The following SDK1 variants were observed in gnomAD, a reference collection of about 807,000 sequenced individuals.
The protein encoded by SDK1 is protein sidekick-1.
A neutral mutation model predicts 245.5 loss-of-function variants in SDK1; 157 were observed. The observed-to-expected ratio is 0.64, with a 90% CI of 0.56 to 0.73. The LOEUF is 0.73. Ranked by LOEUF, SDK1 falls within the 30% of genes least tolerant of loss-of-function variation. The pLI is 0.00. For synonymous variants in SDK1, 1,647 were observed against 1,278.5 expected (o/e 1.29, Z -6.15); for missense variants, 3,583 against 3,002.3 (o/e 1.19, Z -4.52).
chr7:4,030,870 T>C (rs1245565770), intron 17 of SDK1, among the ~76,000 whole-genome samples: 5 of 152,218 alleles, frequency 3.3e-5, no homozygotes, highest in East Asian at 1.9e-4. Context: ...ACCTGCACTG[T>C]AGCACTATTA....
intron 4 of SDK1, among the ~76,000 whole-genome samples, chr7:3,659,040 A>G (rs1783275971): frequency 6.6e-6 from 1 of 152,166 alleles, no homozygotes; most frequent in Admixed American, 6.5e-5. Flanking sequence ...TCTCGTCTAT[A>G]TGAATTTGCC....
intron 19 of SDK1, among the ~76,000 whole-genome samples, chr7:4,066,685 C>A (rs1471916033): frequency 6.6e-6 from 1 of 152,198 alleles, no homozygotes; most frequent in Admixed American, 6.5e-5. Flanking sequence ...ACCGATGGGA[C>A]CTGCTATGGG....
intron 4 of SDK1, among the ~76,000 whole-genome samples, chr7:3,731,903 T>C (rs111442884): frequency 0.058 from 8,900 of 152,224 alleles, 887 homozygotes; most frequent in African/African-American, 0.2. Context: ...GCGATTATCC[T>C]GCCTCAGCCT....
At chr7:3,712,263 C>T (rs1234576064) in intron 4 of SDK1, among the ~76,000 whole-genome samples, 1 of 152,128 alleles carries the variant, frequency 6.6e-6, no homozygotes, top group Non-Finnish European at 1.5e-5. Flanking sequence ...TCTCATAGGA[C>T]CGTGAACCTT....
intron 4 of SDK1, among the ~76,000 whole-genome samples, chr7:3,802,870 G>T (rs1221260252): frequency 3.3e-5 from 5 of 152,172 alleles, no homozygotes; most frequent in African/African-American, 1.2e-4. Flanking sequence ...AACATTTGTT[G>T]TTGTTTTTGT....
At chr7:3,788,874 T>C (rs974837036) in intron 4 of SDK1, among the ~76,000 whole-genome samples, 4 of 152,186 alleles carry the variant, frequency 2.6e-5, no homozygotes, top group African/African-American at 9.6e-5. Context: ...GCCTGTAGGC[T>C]GCGTGAGTCT....
rs1181418182 is a variant in SDK1, at chr7:4,220,298, G to T, written c.5701+28G>T. The T allele has an allele frequency of 1.9e-6, 3 of 1,601,738 alleles. No homozygotes were observed. The African/African-American group carries it at 4.0e-5, about 21-fold the overall frequency. On this transcript the variant is annotated intron_variant, in intron 39 of 44. Transcript: ENST00000404826. ...AAGTGGAACTCCAGGGGCAGACAAT[G>T]TCAATTGCAACTTTAGCCTCCCGCC...
intron 22 of SDK1, among the ~76,000 whole-genome samples, chr7:4,087,739 A>T (rs1781515942): frequency 6.6e-6 from 1 of 152,174 alleles, no homozygotes; most frequent in Admixed American, 6.5e-5. Flanking sequence ...ACGGGCTTTG[A>T]GTCAGACAGA....
chr7:3,979,299 C>T (rs566763526), intron 13 of SDK1, among the ~76,000 whole-genome samples: 18 of 152,320 alleles, frequency 1.2e-4, no homozygotes, highest in Admixed American at 5.9e-4. Context: ...CCTAGCTCTT[C>T]GTGCTTTCTT....
chr7:3,621,775 A>G (rs1332944133), intron 2 of SDK1, among the ~76,000 whole-genome samples: 3 of 152,186 alleles, frequency 2.0e-5, no homozygotes, highest in Admixed American at 6.5e-5. Context: ...AGTAATATCA[A>G]AGTTCCCACT....
chr7:4,208,198 A>G lies in SDK1; in HGVS notation c.5314A>G (p.Thr1772Ala), dbSNP rs2128227723. The stretch of plus-strand genomic sequence containing the variant: ...GAGGCTGAAGAACCTGACCAGCCAT[A>G]CCAAGTACCTGGTCAGCATATCAGC... The part of the protein sequence containing the change: ...VVRLKNLTSH[T>A]KYLVSISAFN... The change falls in exon 37 of 45, where the codon ACC (threonine) becomes GCC (alanine). Residue 1772 changes from threonine (T) to alanine (A), a missense_variant. Physicochemically the swap from Thr to Ala is moderately conservative, Grantham distance 58. Transcript: ENST00000404826. 6.2e-7 allele frequency: 1 copy of G among 1,614,004 alleles called. No individual in the cohort carries two copies. Among genetic ancestry groups the G allele is most frequent in the Non-Finnish European group, 8.5e-7 (1 of 1,179,938 alleles).
chr7:3,749,462 G>T (rs559511511), intron 4 of SDK1, among the ~76,000 whole-genome samples: 1 of 152,170 alleles, frequency 6.6e-6, no homozygotes, highest in African/African-American at 2.4e-5. Context: ...ACCACGCCTG[G>T]CTAATTTTTT....
Position 4,220,285 on chromosome 7 carries a change from A to C in SDK1, c.5701+15A>C. On this transcript the variant is annotated intron_variant, in intron 39 of 44. Transcript: ENST00000404826. ...GCCAGCCGAGGGTAAGTGGAACTCCAGGGGCAGACAATGTCAATTGCAACT... is the reference window on the plus strand; with the variant it reads ...GCCAGCCGAGGGTAAGTGGAACTCCCGGGGCAGACAATGTCAATTGCAACT... 1 of 1,606,898 alleles carries C rather than the reference A, an allele frequency of 6.2e-7. No homozygotes were observed. The highest frequency in any genetic ancestry group is 8.5e-7 in the Non-Finnish European group (1 of 1,174,502).
At chr7:3,391,377 T>C (rs1297370759) in intron 1 of SDK1, among the ~76,000 whole-genome samples, 1 of 152,168 alleles carries the variant, frequency 6.6e-6, no homozygotes, top group Non-Finnish European at 1.5e-5. Flanking sequence ...TGTAAGCAGT[T>C]TCTTCTAGCA....
chr7:3,774,301 G>C (rs1183158465), intron 4 of SDK1, among the ~76,000 whole-genome samples: 5 of 152,132 alleles, frequency 3.3e-5, no homozygotes, highest in African/African-American at 9.7e-5. Context: ...AACAGTGGGG[G>C]AAGGTGCAGC....
chr7:3,607,714 C>T (rs540261595), intron 1 of SDK1, among the ~76,000 whole-genome samples: 1 of 152,286 alleles, frequency 6.6e-6, no homozygotes, highest in South Asian at 2.1e-4. Flanking sequence ...ATTTAGAAAG[C>T]CAAAAGTAAA....
chr7:3,910,323 G>A (rs1779120499), intron 5 of SDK1, among the ~76,000 whole-genome samples: 1 of 152,180 alleles, frequency 6.6e-6, no homozygotes, highest in Non-Finnish European at 1.5e-5. Flanking sequence ...ATTGTCTCTT[G>A]TCAGGCACAT....
intron 1 of SDK1, among the ~76,000 whole-genome samples, chr7:3,567,818 TA>T (rs1294781486): frequency 3.3e-5 from 5 of 152,208 alleles, no homozygotes; most frequent in Admixed American, 6.5e-5. Flanking sequence ...TTTATTCATT[TA>T]TTTTTCTTCT....
chr7:3,509,254 G>C (rs1782499122), intron 1 of SDK1, among the ~76,000 whole-genome samples: 1 of 152,044 alleles, frequency 6.6e-6, no homozygotes, highest in Admixed American at 6.6e-5. Flanking sequence ...CTTGGGGAGG[G>C]GTCCTCTGGT....
Sources: allele counts gnomAD v4.1 joint callset (sites outside exome capture counted in the v4.1 genomes callset), GRCh38; gene constraint gnomAD v4.1.1; transcripts MANE v1.5; gene names NCBI Gene and HGNC (gene_info 2026-07-23, HGNC 2026-07-21).